The following SP4 variants were observed in gnomAD, a reference collection of about 807,000 sequenced individuals.
The protein encoded by SP4 is Sp4 transcription factor.
In SP4, 19 loss-of-function variants were observed where a neutral mutation model predicts 72.8. The observed-to-expected ratio is 0.26, with a 90% CI of 0.18 to 0.38. The LOEUF (loss-of-function observed/expected upper bound fraction) is 0.38. Among genes scored for constraint, SP4 ranks in the 10% least tolerant of loss-of-function variants. SP4 has a pLI of 1.00. For missense variants in SP4, 1,008 were observed against 926.3 expected, an observed-to-expected ratio of 1.09 and a Z score of -1.14; for synonymous variants, 395 against 333.1, an observed-to-expected ratio of 1.19 and a Z score of -2.02.
intron 3 of SP4, among the ~76,000 whole-genome samples, chr7:21,472,161 C>T (rs1038749859): frequency 6.6e-6 from 1 of 152,116 alleles, no homozygotes; most frequent in Non-Finnish European, 1.5e-5. Flanking sequence ...AATCAGCTTA[C>T]ACATAGCAGT....
intron 3 of SP4, among the ~76,000 whole-genome samples, chr7:21,463,989 T>C (rs532313452): frequency 1.5e-4 from 23 of 152,300 alleles, no homozygotes; most frequent in African/African-American, 5.3e-4. Flanking sequence ...GTTACTTTAG[T>C]GGGATAAGAT....
At chr7:21,496,363 C>T (rs1410178246) in intron 5 of SP4, among the ~76,000 whole-genome samples, 2 of 152,222 alleles carry the variant, frequency 1.3e-5, no homozygotes, top group Non-Finnish European at 2.9e-5. Context: ...GAACAGTTTT[C>T]TGTTAAGCCT....
intron 4 of SP4, 140 bp from the exon 5 acceptor site, chr7:21,481,784 A>G: frequency 3.1e-6 from 2 of 648,846 alleles, no homozygotes; most frequent in Non-Finnish European, 5.4e-6. Flanking sequence ...AAATTTTCTG[A>G]TTTGAACTAC....
chr7:21,430,110 A>G lies in SP4; in HGVS notation c.945A>G (p.Pro315=), dbSNP rs200295648. ...CCACTACTTCTGCCAGTACTATGCC[A>G]GAATCTCCCTCCTCCTCCACTACCT... ...TNTTTSASTM[P]ESPSSSTTCT... The change falls in exon 3 of 6, where the codon CCA becomes CCG. Residue 315 remains proline, a synonymous_variant. Transcript: ENST00000222584. 1.9e-4 allele frequency: 304 copies of G among 1,614,230 alleles called. No homozygotes were observed. The highest frequency in any genetic ancestry group is 3.2e-4 in the Admixed American group (19 of 60,018).
intron 3 of SP4, among the ~76,000 whole-genome samples, chr7:21,457,253 CTT>C (rs1426316880): frequency 6.6e-6 from 1 of 152,122 alleles, no homozygotes; most frequent in African/African-American, 2.4e-5. Context: ...CTTGCCAACT[CTT>C]ATACTTGGTC....
intron 3 of SP4, among the ~76,000 whole-genome samples, chr7:21,451,852 AAGAATTCTG>A (rs1252092894): frequency 2.0e-5 from 3 of 152,180 alleles, no homozygotes; most frequent in African/African-American, 4.8e-5. Context: ...GGACAGATTA[AAGAATTCTG>A]AGAATTCTGA....
At chr7:21,498,861 G>A (rs192927039) in intron 5 of SP4, among the ~76,000 whole-genome samples, 7 of 152,092 alleles carry the variant, frequency 4.6e-5, no homozygotes, top group Admixed American at 2.0e-4. Flanking sequence ...CGAGGCAGGC[G>A]GATCATGAGG....
At chr7:21,469,296 G>T (rs1784257940) in intron 3 of SP4, among the ~76,000 whole-genome samples, 1 of 152,048 alleles carries the variant, frequency 6.6e-6, no homozygotes, top group Admixed American at 6.6e-5. Context: ...ATTGAACAAA[G>T]ATTAAAACAG....
chr7:21,467,199 G>C (rs1252723077), intron 3 of SP4, among the ~76,000 whole-genome samples: 2 of 151,966 alleles, frequency 1.3e-5, no homozygotes, highest in Non-Finnish European at 2.9e-5. Context: ...CTCACACTTT[G>C]TGACAACCAA....
chr7:21,500,859 C>T (rs1398511911), intron 5 of SP4, among the ~76,000 whole-genome samples: 1 of 152,174 alleles, frequency 6.6e-6, no homozygotes, highest in East Asian at 1.9e-4. Flanking sequence ...TCTGCACAGT[C>T]CCTTTTACCA....
At chr7:21,464,401 G>T (rs1784099999) in intron 3 of SP4, among the ~76,000 whole-genome samples, 1 of 151,990 alleles carries the variant, frequency 6.6e-6, no homozygotes, top group Admixed American at 6.5e-5. Flanking sequence ...CGGCCAGTCA[G>T]GGCTCTCTTT....
At chr7:21,499,402 G>A (rs534784102) in intron 5 of SP4, among the ~76,000 whole-genome samples, 1 of 152,276 alleles carries the variant, frequency 6.6e-6, no homozygotes, top group Non-Finnish European at 1.5e-5. Context: ...GATTAGGGTG[G>A]GCCCTAAACT....
chr7:21,454,355 C>CT (rs3060615), intron 3 of SP4, among the ~76,000 whole-genome samples: 16,821 of 148,338 alleles, frequency 0.11, 1,935 homozygotes, highest in East Asian at 0.53. Flanking sequence ...CTTTTACTAA[C>CT]TTTTTTTTTT....
At chr7:21,495,633 AT>A (rs1367265512) in intron 5 of SP4, among the ~76,000 whole-genome samples, 2 of 152,338 alleles carry the variant, frequency 1.3e-5, no homozygotes, top group South Asian at 2.1e-4. Context: ...AGCAATTGGA[AT>A]TCTCATATAT....
chr7:21,428,384 C>T (rs1782697014), intron 1 of SP4, 126 bp downstream of exon 1: 2 of 698,790 alleles, frequency 2.9e-6, no homozygotes, highest in Admixed American at 2.1e-5. Context: ...GAGGAGAGGG[C>T]GGGAGGGAAT....
intron 3 of SP4, among the ~76,000 whole-genome samples, chr7:21,441,436 T>A (rs1783242408): frequency 6.6e-6 from 1 of 152,266 alleles, no homozygotes. Context: ...CTTCCACTCC[T>A]GCATCAGCCA....
rs377391548 is a variant in SP4 at position 21,429,262 on chromosome 7, T to C, written c.124-27T>C. The C allele has an allele frequency of 6.0e-4, 637 of 1,062,586 alleles. 1 individual carries two copies. Among genetic ancestry groups the C allele is most frequent in the South Asian group, 2.1e-3 (132 of 63,506 alleles). 65.8% of individuals were successfully genotyped at this position (1,062,586 alleles called of 1,614,324 possible). A position where few individuals can be genotyped will look rare whatever the true frequency, so the allele number is the denominator to read the frequency against. On this transcript the variant is annotated intron_variant, in intron 2 of 5. Transcript: ENST00000222584. ...CCGCCCACTTTTTTTCCCCCCCCCC[T>C]CTCCTTTACCGTCCCATTTTGGGTA...
At chr7:21,465,495 C>T (rs1784138594) in intron 3 of SP4, among the ~76,000 whole-genome samples, 1 of 152,188 alleles carries the variant, frequency 6.6e-6, no homozygotes, top group South Asian at 2.1e-4. Context: ...TAGAAGACAG[C>T]ATTAGACAAA....
intron 5 of SP4, among the ~76,000 whole-genome samples, chr7:21,488,852 C>T (rs773404313): frequency 3.3e-5 from 5 of 152,046 alleles, no homozygotes; most frequent in Non-Finnish European, 5.9e-5. Context: ...TATAGATATG[C>T]ACACTTTTAT....
Sources: allele counts gnomAD v4.1 joint callset (sites outside exome capture counted in the v4.1 genomes callset), GRCh38; gene constraint gnomAD v4.1.1; transcripts MANE v1.5; gene names NCBI Gene and HGNC (gene_info 2026-07-23, HGNC 2026-07-21).